Variants in BOLL observed in about 807,000 individuals in gnomAD.
BOLL encodes the protein boule RNA binding protein, also known as protein boule-like.
A neutral mutation model predicts 44.4 loss-of-function variants in BOLL; 23 were observed. That is an observed-to-expected ratio of 0.52 (90% confidence interval 0.37 to 0.73). The LOEUF (loss-of-function observed/expected upper bound fraction) is 0.73, where lower values mean the gene tolerates loss of function less well. Ranked by LOEUF, BOLL falls within the 30% of genes least tolerant of loss-of-function variation. The probability of loss-of-function intolerance (pLI) is 0.00; values close to 1 mark genes in which losing one functional copy is unlikely to be tolerated. For synonymous variants in BOLL, 97 were observed against 110.8 expected, an observed-to-expected ratio of 0.88 and a Z score of 0.78; for missense variants, 287 against 338.3, an observed-to-expected ratio of 0.85 and a Z score of 1.19.
At chr2:197,785,989 G>A (rs376286622), upstream of BOLL, 3 of 1,610,986 alleles carry the variant, frequency 1.9e-6, no homozygotes, top group Middle Eastern at 3.3e-4. This position sits in a 1 kb window ranked among gnomAD's most constrained non-coding sequence, Gnocchi z 6.7. Flanking sequence ...TCACCGGCCC[G>A]GACTCGGTTT....
At chr2:197,748,817 A>C (rs542579455) in intron 9 of BOLL, among the ~76,000 whole-genome samples, 9 of 152,336 alleles carry the variant, frequency 5.9e-5, no homozygotes, top group African/African-American at 2.2e-4. Context: ...GCTTCAGCAG[A>C]CTTAAATGTT....
chr2:197,740,005 TAGA>T (rs1574810340), intron 10 of BOLL, among the ~76,000 whole-genome samples: 2 of 152,220 alleles, frequency 1.3e-5, no homozygotes, highest in African/African-American at 4.8e-5. Context: ...AAGTCTATTT[TAGA>T]AGATTTTCTA....
In BOLL at chr2:197,743,172, A is replaced by G. The variant is rs944671676; in HGVS notation, c.730-13T>C. The G allele has an allele frequency of 6.5e-7, 1 of 1,547,174 alleles. No homozygotes were observed. Among genetic ancestry groups the G allele is most frequent in the Non-Finnish European group, 8.8e-7 (1 of 1,142,226 alleles). On this transcript the variant is annotated splice_polypyrimidine_tract_variant and intron_variant, in intron 9 of 10. Coordinates refer to ENST00000392296, the MANE Select transcript of BOLL (RefSeq NM_033030.6). ...GATCAGAATAAGGCTATTACAAAAA[A>G]AGAGAGAAAAAATGTCACCTTTCAT... is the stretch of plus-strand genomic sequence containing the variant.
In BOLL at chr2:197,743,086, G is replaced by T; in HGVS notation, c.803C>A (p.Pro268His). ...YAPSAITMPA[P>H]VMQPEPIKTV... ...TTTAATTGGCTCAGGCTGCATCACA[G>T]GCGCAGGCATAGTGATGGCACTTGG... Residue 268 changes from proline to histidine, a missense_variant, in exon 10 of 11, where the codon CCT becomes CAT. Physicochemically the swap from Pro to His is moderately conservative, Grantham distance 77. Transcript: ENST00000392296. 6.2e-7 allele frequency: 1 copy of T among 1,603,846 alleles called. No homozygotes were observed. Among genetic ancestry groups the T allele is most frequent in the Non-Finnish European group, 8.5e-7 (1 of 1,175,238 alleles).
intron 9 of BOLL, among the ~76,000 whole-genome samples, chr2:197,752,329 G>A (rs552365495): frequency 7.9e-5 from 12 of 152,284 alleles, no homozygotes; most frequent in South Asian, 4.1e-4. Context: ...GAAATAAAGT[G>A]TATTCAAATA....
intron 9 of BOLL, among the ~76,000 whole-genome samples, chr2:197,750,196 C>A (rs1688170563): frequency 6.6e-6 from 1 of 152,124 alleles, no homozygotes; most frequent in East Asian, 1.9e-4. Context: ...CAAAAACATA[C>A]CAAAATGTAA....
rs150813581 is a variant in BOLL at position 197,771,250 on chromosome 2, G to C, written c.480+605C>G. Among the ~76,000 whole-genome samples the C allele has an allele frequency of 6.1e-4, 92 of 150,248 alleles. 1 individual carries two copies. The highest frequency in any genetic ancestry group is 2.3e-3 in the African/African-American group (92 of 40,846). ...TTCTGAGCAAGCTATTGCAAGGACA[G>C]AAAACCAAACACCATATGGTCTCAC... On this transcript the variant is annotated intron_variant, in intron 6 of 10. Transcript: ENST00000392296.
intron 7 of BOLL, among the ~76,000 whole-genome samples, chr2:197,766,039 T>A (rs923564445): frequency 6.6e-6 from 1 of 152,192 alleles, no homozygotes; most frequent in Non-Finnish European, 1.5e-5. Context: ...TTGTTTTTTA[T>A]GGCTGCATAA....
chr2:197,759,278 C>A (rs1207647085), intron 7 of BOLL, among the ~76,000 whole-genome samples: 2 of 152,106 alleles, frequency 1.3e-5, no homozygotes, highest in Non-Finnish European at 2.9e-5. Context: ...TGCCTGGAGT[C>A]CTGCAGTTTC....
In BOLL at chr2:197,780,731, A is replaced by T. The variant is rs149310307; in HGVS notation, c.129+991T>A. Among the ~76,000 whole-genome samples the T allele has an allele frequency of 1.2e-4, 19 of 152,146 alleles. No individual in the cohort carries two copies. The East Asian group carries it at 2.7e-3, about 22-fold the overall frequency. On this transcript the variant is annotated intron_variant, in intron 2 of 10. Transcript: ENST00000392296. Reference sequence around the variant, plus strand: ...ACCCAAATTGTAACAGATTGGTTATATGGAAATAGTTATAAATGTCAAATA... The same window carrying T: ...ACCCAAATTGTAACAGATTGGTTATTTGGAAATAGTTATAAATGTCAAATA...
At chr2:197,758,072 G>A (rs902150901) in intron 7 of BOLL, among the ~76,000 whole-genome samples, 3 of 152,306 alleles carry the variant, frequency 2.0e-5, no homozygotes, top group Middle Eastern at 3.4e-3. Flanking sequence ...GTAAAATGGC[G>A]CAGCCCTTTG....
chr2:197,749,391 GA>G (rs1219060543), intron 9 of BOLL, among the ~76,000 whole-genome samples: 2 of 152,072 alleles, frequency 1.3e-5, no homozygotes, highest in Non-Finnish European at 2.9e-5. Context: ...GAATGAGTTT[GA>G]TGAATTGACA....
chr2:197,757,262 T>C lies in BOLL; in HGVS notation c.600+91A>G, dbSNP rs1688559117. On this transcript the variant is annotated intron_variant, in intron 8 of 10. Coordinates refer to ENST00000392296, the MANE Select transcript of BOLL (RefSeq NM_033030.6). ...AGTTAATAAACAGAAGAAGAAGGTC[T>C]CAAATCTAAAAAACTTTAGTATTCA... 2.7e-6 allele frequency: 3 copies of C among 1,112,924 alleles called. No homozygotes were observed. In the South Asian group the frequency reaches 4.7e-5, roughly 17 times the overall value. The allele number at this position is 1,112,924 out of a possible 1,614,324, so 68.9% of individuals were successfully genotyped here. A position where few individuals can be genotyped will look rare whatever the true frequency, so the allele number is the denominator to read the frequency against.
At chr2:197,757,064 A>G in intron 8 of BOLL, among the ~76,000 whole-genome samples, 1 of 152,160 alleles carries the variant, frequency 6.6e-6, no homozygotes, top group East Asian at 1.9e-4. Context: ...AATAACACTA[A>G]TAGTAAAAAA....
chr2:197,747,710 T>C (rs1435691381), intron 9 of BOLL, among the ~76,000 whole-genome samples: 1 of 151,828 alleles, frequency 6.6e-6, no homozygotes, highest in Non-Finnish European at 1.5e-5. Context: ...AATTATAATA[T>C]TAAAAAAGTA....
intron 10 of BOLL, among the ~76,000 whole-genome samples, chr2:197,738,732 AAAC>A (rs371678299): frequency 0.01 from 1,566 of 152,264 alleles, 28 homozygotes; most frequent in African/African-American, 0.036. Context: ...ACGCTTATAA[AAAC>A]AACAACTCCT....
chr2:197,740,337 G>T (rs376706379), intron 10 of BOLL, among the ~76,000 whole-genome samples: 1 of 152,260 alleles, frequency 6.6e-6, no homozygotes, highest in African/African-American at 2.4e-5. Flanking sequence ...TACACTGTAT[G>T]CAGGATTCAT....
intron 5 of BOLL, among the ~76,000 whole-genome samples, chr2:197,773,691 T>C (rs59544745): frequency 0.018 from 2,723 of 151,988 alleles, 71 homozygotes; most frequent in African/African-American, 0.06. Flanking sequence ...GAGTATAGAA[T>C]GTTCTGGAAC....
Position 197,785,118 on chromosome 2 carries a change from A to C in BOLL, c.-78T>G, listed in dbSNP as rs1690009247. 1.0e-6 allele frequency: 1 copy of C among 985,656 alleles called. No individual in the cohort carries two copies. The highest frequency in any genetic ancestry group is 6.2e-5 in the Admixed American group (1 of 16,260). 61.1% of individuals were successfully genotyped at this position (985,656 alleles called of 1,614,324 possible). On this transcript the variant is annotated 5_prime_UTR_variant, in exon 1 of 11. Transcript: ENST00000392296. This position sits in a 1 kb window ranked among gnomAD's most constrained non-coding sequence, Gnocchi z 6.7. ...GGCCAGCAAGTTGCGGCACTGGGGG[A>C]AATGGCCGCGGCGACAACTTCCTCG...
Sources: allele counts gnomAD v4.1 joint callset (sites outside exome capture counted in the v4.1 genomes callset), GRCh38; gene constraint gnomAD v4.1.1; non-coding constraint Gnocchi (gnomAD v3.1); transcripts MANE v1.5; gene names NCBI Gene and HGNC (gene_info 2026-07-23, HGNC 2026-07-21).